MARCHF1: variants seen among roughly 807,000 people sequenced by gnomAD.
MARCHF1 encodes the protein membrane associated ring-CH-type finger 1, also known as E3 ubiquitin-protein ligase MARCHF1.
MARCHF1 carries 40 observed loss-of-function variants against 54.2 expected under a neutral mutation model. The ratio of observed to expected loss-of-function variants is 0.74; its 90% confidence interval spans 0.57 to 0.96. MARCHF1 has a LOEUF of 0.96. MARCHF1 is among the 40% of genes least tolerant of loss of function. The pLI, the probability that MARCHF1 is intolerant of heterozygous loss-of-function variation, is 0.00. For missense variants in MARCHF1, 586 were observed against 656.5 expected (o/e 0.89, Z 1.17); for synonymous variants, 236 against 236.3 (o/e 1.00, Z 0.01).
At chr4:164,184,248 T>C (rs553310436) in intron 1 of MARCHF1, among the ~76,000 whole-genome samples, 3 of 152,290 alleles carry the variant, frequency 2.0e-5, no homozygotes, top group Admixed American at 6.5e-5. Flanking sequence ...ACAGTTTCTA[T>C]CCCTTCACTC....
chr4:164,044,546 C>T (rs1754199902), intron 2 of MARCHF1, among the ~76,000 whole-genome samples: 1 of 151,998 alleles, frequency 6.6e-6, no homozygotes, highest in Non-Finnish European at 1.5e-5. Flanking sequence ...TGGGTGTGTA[C>T]ACAAATCCAA....
chr4:163,966,012 G>C (rs1420968722), intron 3 of MARCHF1, among the ~76,000 whole-genome samples: 1 of 152,006 alleles, frequency 6.6e-6, no homozygotes, highest in African/African-American at 2.4e-5. Context: ...TAAAATTTAA[G>C]TATTTTTGGT....
At chr4:163,900,584 T>C (rs1750918692) in intron 3 of MARCHF1, among the ~76,000 whole-genome samples, 1 of 152,194 alleles carries the variant, frequency 6.6e-6, no homozygotes, top group African/African-American at 2.4e-5. Context: ...GATGTAAACC[T>C]AATATGTAAA....
chr4:164,225,446 G>A (rs1226275480), intron 1 of MARCHF1, among the ~76,000 whole-genome samples: 1 of 152,004 alleles, frequency 6.6e-6, no homozygotes, highest in African/African-American at 2.4e-5. Flanking sequence ...TTTGGGGGAT[G>A]GGGTTGAGGG....
chr4:164,143,193 T>G (rs1179298303), intron 1 of MARCHF1, among the ~76,000 whole-genome samples: 2 of 152,030 alleles, frequency 1.3e-5, no homozygotes, highest in African/African-American at 4.8e-5. Flanking sequence ...AATCTACGTC[T>G]GATTGCTGTA....
intron 1 of MARCHF1, among the ~76,000 whole-genome samples, chr4:164,232,624 G>C (rs1471887171): frequency 6.6e-6 from 1 of 151,978 alleles, no homozygotes; most frequent in Non-Finnish European, 1.5e-5. Context: ...TTTCACATGT[G>C]GTTATTCCTT....
chr4:163,913,818 C>A (rs2111342484), intron 3 of MARCHF1, among the ~76,000 whole-genome samples: 1 of 152,226 alleles, frequency 6.6e-6, no homozygotes, highest in Middle Eastern at 3.4e-3. Context: ...TCACAGTCTG[C>A]ACACACAAAG....
At chr4:164,042,412 T>A (rs1036746588) in intron 2 of MARCHF1, among the ~76,000 whole-genome samples, 2 of 152,128 alleles carry the variant, frequency 1.3e-5, no homozygotes, top group African/African-American at 4.8e-5. Context: ...CACCTTCTTA[T>A]GGCAGCAAAA....
intron 5 of MARCHF1, among the ~76,000 whole-genome samples, chr4:163,633,878 T>C (rs889532190): frequency 6.6e-6 from 1 of 152,144 alleles, no homozygotes; most frequent in African/African-American, 2.4e-5. Context: ...GGGAAGCCCA[T>C]CAGACTAACG....
intron 1 of MARCHF1, among the ~76,000 whole-genome samples, chr4:164,374,148 G>T (rs975303891): frequency 2.0e-5 from 3 of 152,000 alleles, no homozygotes; most frequent in Non-Finnish European, 2.9e-5. Flanking sequence ...GATTATTTTC[G>T]CATCATTTTT....
intron 1 of MARCHF1, among the ~76,000 whole-genome samples, chr4:164,119,290 A>G (rs1756012455): frequency 6.6e-6 from 1 of 151,662 alleles, no homozygotes; most frequent in South Asian, 2.1e-4. Flanking sequence ...ATCAAAATTA[A>G]AATATCTCAA....
chr4:163,872,632 T>G (rs1167951910), intron 3 of MARCHF1, among the ~76,000 whole-genome samples: 1 of 152,224 alleles, frequency 6.6e-6, no homozygotes, highest in Non-Finnish European at 1.5e-5. Flanking sequence ...AAATTCGTGT[T>G]TTACTTTCAA....
At chr4:163,675,092 C>A (rs1181178305) in intron 5 of MARCHF1, among the ~76,000 whole-genome samples, 5 of 152,126 alleles carry the variant, frequency 3.3e-5, no homozygotes, top group Admixed American at 6.5e-5. Flanking sequence ...CCTTACCTAG[C>A]ACATTTAATG....
At chr4:163,536,947 T>C (rs150316581) in intron 9 of MARCHF1, among the ~76,000 whole-genome samples, 2 of 152,198 alleles carry the variant, frequency 1.3e-5, no homozygotes, top group African/African-American at 4.8e-5. Flanking sequence ...AATCCCCACA[T>C]ACAAAAGCCA....
chr4:164,117,849 G>C (rs534143058), intron 1 of MARCHF1, among the ~76,000 whole-genome samples: 1 of 151,812 alleles, frequency 6.6e-6, no homozygotes, highest in South Asian at 2.1e-4. Flanking sequence ...GCAGTGAGCC[G>C]AGATCCACCA....
At chr4:164,221,148 AT>A (rs1732099289) in intron 1 of MARCHF1, among the ~76,000 whole-genome samples, 2 of 152,164 alleles carry the variant, frequency 1.3e-5, no homozygotes, top group East Asian at 3.9e-4. Context: ...TAGTCTATGA[AT>A]TTGCTGAAGA....
chr4:163,628,771 G>A (rs919261928), intron 5 of MARCHF1, among the ~76,000 whole-genome samples: 3 of 152,082 alleles, frequency 2.0e-5, no homozygotes, highest in Admixed American at 6.5e-5. Flanking sequence ...AACAGAGAGA[G>A]CCAAATCATG....
At chr4:163,677,953 A>C (rs996680061) in intron 5 of MARCHF1, among the ~76,000 whole-genome samples, 2 of 152,230 alleles carry the variant, frequency 1.3e-5, no homozygotes, top group Middle Eastern at 3.2e-3. Flanking sequence ...GCAAGGTTGG[A>C]AGGATGAATT....
intron 5 of MARCHF1, among the ~76,000 whole-genome samples, chr4:163,619,414 G>T (rs1382043892): frequency 6.6e-6 from 1 of 152,056 alleles, no homozygotes; most frequent in African/African-American, 2.4e-5. Flanking sequence ...TAATTTGAAA[G>T]ATCAACTGAA....
Sources: gnomAD v4.1 joint callset for allele counts (sites outside exome capture counted in the v4.1 genomes callset) on GRCh38, gnomAD v4.1.1 for gene constraint, MANE v1.5 for transcripts, NCBI Gene and HGNC (gene_info 2026-07-23, HGNC 2026-07-21) for gene names.